CASP14: variants seen among roughly 807,000 people sequenced by gnomAD.
The protein encoded by CASP14 is caspase-14.
CASP14 carries 27 observed loss-of-function variants against 28.4 expected under a neutral mutation model. The observed-to-expected ratio is 0.95, with a 90% CI of 0.70 to 1.31. CASP14 has a LOEUF of 1.31. Among genes scored for constraint, CASP14 ranks in the 50% most tolerant of loss-of-function variants. CASP14 has a pLI of 0.00. For synonymous variants in CASP14, 115 were observed against 118.6 expected, an observed-to-expected ratio of 0.97 and a Z score of 0.20; for missense variants, 323 against 312.8, an observed-to-expected ratio of 1.03 and a Z score of -0.25.
intron 1 of CASP14, among the ~76,000 whole-genome samples, chr19:15,051,014 A>G (rs1014607740): frequency 6.6e-6 from 1 of 151,816 alleles, no homozygotes; most frequent in African/African-American, 2.4e-5. Context: ...GAATAGATGG[A>G]AGGGTGAGTG....
intron 6 of CASP14, 129 bp downstream of exon 6, chr19:15,055,662 A>C: frequency 4.5e-6 from 3 of 659,716 alleles, no homozygotes; most frequent in Non-Finnish European, 7.9e-6. Context: ...TCAATACAGA[A>C]ACTAAGAAGC....
At position 15,056,158 on chromosome 19, in the gene CASP14, C is replaced by G; in HGVS notation, c.*69C>G. The G allele has an allele frequency of 3.2e-6, 4 of 1,240,460 alleles. No individual in the cohort carries two copies. The highest frequency in any genetic ancestry group is 4.6e-6 in the Non-Finnish European group (4 of 868,658). 76.8% of individuals were successfully genotyped at this position (1,240,460 alleles called of 1,614,324 possible). A position where few individuals can be genotyped will look rare whatever the true frequency, so the allele number is the denominator to read the frequency against. ...GTCTCACAGAAATTTAGAGGCAGCT[C>G]TTACCTCTCCCCAAGATCTTCTGTT... On this transcript the variant is annotated 3_prime_UTR_variant, in exon 7 of 7. Transcript: ENST00000427043.
At chr19:15,053,156 G>A (rs1437268823) in intron 2 of CASP14, among the ~76,000 whole-genome samples, 2 of 152,086 alleles carry the variant, frequency 1.3e-5, no homozygotes, top group African/African-American at 2.4e-5. Flanking sequence ...TGCCCAGGCT[G>A]GAGTGCAGTG....
rs750788448 is a variant in CASP14 at position 15,053,520 on chromosome 19, A to G, written c.66A>G (p.Ile22Met). 5.0e-6 allele frequency: 8 copies of G among 1,614,008 alleles called. No individual in the cohort carries two copies. The South Asian group carries it at 7.7e-5, about 16-fold the overall frequency. The change falls in exon 3 of 7, where the codon ATA (isoleucine) becomes ATG (methionine). Residue 22 changes from isoleucine to methionine, a missense_variant. Ile to Met is a conservative substitution (Grantham distance 10). Coordinates refer to ENST00000427043, the MANE Select transcript of CASP14 (RefSeq NM_012114.3). ...TGTCAGGTGCCCGCCTGGCCCTAAT[A>G]CTGTGTGTCACCAAAGCCCGGGAAG... ...YDMSGARLAL[I>M]LCVTKAREGS...
rs1350878135 is a variant in CASP14, at chr19:15,056,078, T to C, written c.718T>C (p.Tyr240His). 1.3e-6 allele frequency: 2 copies of C among 1,597,044 alleles called. No individual in the cohort carries two copies. Among genetic ancestry groups the C allele is most frequent in the Non-Finnish European group, 1.7e-6 (2 of 1,170,924 alleles). ...CCAAAGCACCCTCCGGAAACGGCTG[T>C]ATCTGCAGTAGAAGTAGAAAGACCA... ...EIQSTLRKRLYLQ is the reference protein window; with the variant it reads ...EIQSTLRKRLHLQ Residue 240 changes from tyrosine (Y) to histidine (H), a missense_variant, in exon 7 of 7, where the codon TAT (tyrosine) becomes CAT (histidine). By Grantham distance (83) the Tyr-to-His change is moderately conservative. Transcript: ENST00000427043.
In CASP14 at chr19:15,049,591, C is replaced by A. The variant is rs986248911; in HGVS notation, c.-101C>A. On this transcript the variant is annotated 5_prime_UTR_variant, in exon 1 of 7. Transcript: ENST00000427043. ...TCGGTGCCCAGCTCAGTATTGGCAA[C>A]TAGGAGAGTAGTGAGATTGAACTTG... The A allele has an allele frequency of 6.6e-6, 1 of 151,814 alleles. No homozygotes were observed. Among genetic ancestry groups the A allele is most frequent in the African/African-American group, 2.4e-5 (1 of 41,298 alleles). The allele number at this position is 151,814 out of a possible 1,614,324, so 9.4% of individuals were successfully genotyped here. A position where few individuals can be genotyped will look rare whatever the true frequency, so the allele number is the denominator to read the frequency against.
At chr19:15,052,020 T>C (rs2046093306) in intron 1 of CASP14, among the ~76,000 whole-genome samples, 186 bp from the exon 2 acceptor site, 1 of 152,144 alleles carries the variant, frequency 6.6e-6, no homozygotes, top group Non-Finnish European at 1.5e-5. Flanking sequence ...CGTGAAATTG[T>C]CATTCTAGGG....
chr19:15,055,138 T>A lies in CASP14; in HGVS notation c.404-20T>A, dbSNP rs1177379407. The A allele has an allele frequency of 6.3e-7, 1 of 1,599,850 alleles. No homozygotes were observed. Among genetic ancestry groups the A allele is most frequent in the Admixed American group, 1.7e-5 (1 of 59,984 alleles). On this transcript the variant is annotated intron_variant, in intron 4 of 6. Coordinates refer to ENST00000427043, the MANE Select transcript of CASP14 (RefSeq NM_012114.3). ...TACCTTTCTCTCTGACTTTGCCTCCTCCTCTTCTTGTTGTTTCAGAACAAA... is the reference window on the plus strand; with the variant it reads ...TACCTTTCTCTCTGACTTTGCCTCCACCTCTTCTTGTTGTTTCAGAACAAA...
In CASP14 at chr19:15,053,636, T is replaced by A. The variant is rs199665195; in HGVS notation, c.177+5T>A. 1.2e-5 allele frequency: 20 copies of A among 1,614,032 alleles called. No individual in the cohort carries two copies. In the East Asian group the frequency reaches 4.2e-4, roughly 34 times the overall value. ...AAAAGAGACCCCACTGCCGAGGTAT[T>A]GGGGTGCCTACTCCAGGCCTGTTTG... is the stretch of plus-strand genomic sequence containing the variant. On this transcript the variant is annotated splice_donor_5th_base_variant and intron_variant, in intron 3 of 6. Coordinates refer to ENST00000427043, the MANE Select transcript of CASP14 (RefSeq NM_012114.3).
At chr19:15,052,402 C>T in intron 2 of CASP14, 124 bp downstream of exon 2, 1 of 984,384 alleles carries the variant, frequency 1.0e-6, no homozygotes, top group Non-Finnish European at 1.4e-6. Context: ...CTAGGAGGTA[C>T]TTTGTAGTCA....
intron 2 of CASP14, 118 bp from the exon 3 acceptor site, chr19:15,053,363 CT>C (rs1171628549): frequency 7.8e-7 from 1 of 1,281,336 alleles, no homozygotes. Context: ...CCACCTCGGC[CT>C]CCCAAAGTGC....
intron 1 of CASP14, among the ~76,000 whole-genome samples, chr19:15,050,180 C>T (rs1187319963): frequency 1.3e-5 from 2 of 152,072 alleles, no homozygotes; most frequent in South Asian, 2.1e-4. Flanking sequence ...AGTGAGATGC[C>T]GAAGGTCACA....
chr19:15,052,414 T>C (rs1443074164), intron 2 of CASP14, 136 bp downstream of exon 2: 9 of 894,796 alleles, frequency 1.0e-5, no homozygotes, highest in Admixed American at 4.1e-5. Context: ...TTGTAGTCAA[T>C]CAAACAGCAA....
Position 15,055,192 on chromosome 19 carries a change from T to C in CASP14, c.438T>C (p.Asp146=). 1 of 1,614,092 alleles carries C rather than the reference T, an allele frequency of 6.2e-7. No homozygotes were observed. Among genetic ancestry groups the C allele is most frequent in the Non-Finnish European group, 8.5e-7 (1 of 1,180,002 alleles). The part of the protein sequence containing the change: ...QRDPGETVGG[D]EIVMVIKDSP... ...ACCCCGGTGAAACAGTAGGTGGAGA[T>C]GAGATTGTGATGGTCATCAAAGACA... is the stretch of plus-strand genomic sequence containing the variant. Residue 146 remains aspartate (D), a synonymous_variant, in exon 5 of 7, where the codon GAT becomes GAC. Coordinates refer to ENST00000427043, the MANE Select transcript of CASP14 (RefSeq NM_012114.3).
rs770118833 is a variant in CASP14 at position 15,053,808 on chromosome 19, G to A, written c.253G>A (p.Val85Ile). The change falls in exon 4 of 7, where the codon GTA (valine) becomes ATA (isoleucine). Residue 85 changes from valine (V) to isoleucine (I), a missense_variant. Coordinates refer to ENST00000427043, the MANE Select transcript of CASP14 (RefSeq NM_012114.3). ...REDPVSCAFV[V>I]LMAHGREGFL... ...AGATCCCGTCAGTTGTGCCTTCGTG[G>A]TACTCATGGCTCACGGGAGGGAAGG... 1 of 1,614,104 alleles carries A rather than the reference G, an allele frequency of 6.2e-7. No homozygotes were observed. Among genetic ancestry groups the A allele is most frequent in the South Asian group, 1.1e-5 (1 of 91,076 alleles).
intron 1 of CASP14, among the ~76,000 whole-genome samples, chr19:15,051,075 G>T (rs982340298): frequency 6.6e-6 from 1 of 151,986 alleles, no homozygotes; most frequent in Admixed American, 6.6e-5. Context: ...TAGATGGATA[G>T]ATGAATGAAT....
Position 15,056,109 on chromosome 19 carries a change from A to C in CASP14, c.*20A>C. 1 of 1,528,530 alleles carries C rather than the reference A, an allele frequency of 6.5e-7. No homozygotes were observed. The highest frequency in any genetic ancestry group is 8.9e-7 in the Non-Finnish European group (1 of 1,119,086). The allele number at this position is 1,528,530 out of a possible 1,614,324, so 94.7% of individuals were successfully genotyped here. On this transcript the variant is annotated 3_prime_UTR_variant, in exon 7 of 7. Coordinates refer to ENST00000427043, the MANE Select transcript of CASP14 (RefSeq NM_012114.3). ...CAGTAGAAGTAGAAAGACCAGGAGG[A>C]GCTTTCCTTCCAGCATTCTTTCTGT...
intron 1 of CASP14, among the ~76,000 whole-genome samples, chr19:15,050,747 TG>T (rs2046086675): frequency 1.3e-5 from 2 of 151,532 alleles, no homozygotes; most frequent in Admixed American, 6.6e-5. Flanking sequence ...GGTAGATAAA[TG>T]GGTTGATGGA....
rs760290852 is a variant in CASP14, at chr19:15,053,839, T to C, written c.284T>C (p.Leu95Pro). 1.2e-6 allele frequency: 2 copies of C among 1,614,088 alleles called. No individual in the cohort carries two copies. Among genetic ancestry groups the C allele is most frequent in the East Asian group, 4.5e-5 (2 of 44,854 alleles). ...VLMAHGREGF[L>P]KGEDGEMVKL... ...ATGGCTCACGGGAGGGAAGGCTTCC[T>C]CAAGGGAGAAGATGGGGAGATGGTC... The change falls in exon 4 of 7, where the codon CTC (leucine) becomes CCC (proline). Residue 95 changes from leucine (L) to proline (P), a missense_variant. Physicochemically the swap from Leu to Pro is moderately conservative, Grantham distance 98. Transcript: ENST00000427043.
Sources: gnomAD v4.1 joint callset for allele counts (sites outside exome capture counted in the v4.1 genomes callset) on GRCh38, gnomAD v4.1.1 for gene constraint, MANE v1.5 for transcripts, NCBI Gene and HGNC (gene_info 2026-07-23, HGNC 2026-07-21) for gene names.